The following KMT2C variants were observed in gnomAD, a reference collection of about 807,000 sequenced individuals.
KMT2C encodes lysine methyltransferase 2C.
KMT2C carries 88 observed loss-of-function variants against 507.9 expected under a neutral mutation model. That is an observed-to-expected ratio of 0.17 (90% CI 0.15 to 0.21). The LOEUF (loss-of-function observed/expected upper bound fraction) is 0.21. KMT2C is among the 10% of genes least tolerant of loss of function. KMT2C has a pLI of 1.00. For synonymous variants in KMT2C, 2,049 were observed against 2,080.8 expected (o/e 0.98, Z 0.42); for missense variants, 4,954 against 5,957.8 (o/e 0.83, Z 5.55).
chr7:152,305,106 A>C (rs1413154253), intron 6 of KMT2C, among the ~76,000 whole-genome samples: 1 of 152,186 alleles, frequency 6.6e-6, no homozygotes, highest in Non-Finnish European at 1.5e-5. Context: ...AATGATCTTC[A>C]GTGCTATTAA....
At chr7:152,292,593 A>G (rs2096445888) in intron 6 of KMT2C, among the ~76,000 whole-genome samples, 1 of 152,160 alleles carries the variant, frequency 6.6e-6, no homozygotes, top group Non-Finnish European at 1.5e-5. Context: ...AGACATTTTA[A>G]AAGGTAAAAA....
chr7:152,161,687 T>C (rs1165592361), intron 43 of KMT2C, among the ~76,000 whole-genome samples: 1 of 152,204 alleles, frequency 6.6e-6, no homozygotes. Flanking sequence ...AACCACACAA[T>C]AGCTTCCCAG....
chr7:152,318,699 G>C (rs1367618409), intron 3 of KMT2C, among the ~76,000 whole-genome samples: 1 of 150,320 alleles, frequency 6.7e-6, no homozygotes, highest in Non-Finnish European at 1.5e-5. Flanking sequence ...ATAAAACAAG[G>C]ACAAAAATGT....
chr7:152,299,656 G>A (rs992302675), intron 6 of KMT2C, among the ~76,000 whole-genome samples: 24 of 151,818 alleles, frequency 1.6e-4, no homozygotes, highest in African/African-American at 5.3e-4. Flanking sequence ...CTTGGCAGGT[G>A]GGGGATGCAA....
chr7:152,337,823 G>A (rs1366938036), intron 2 of KMT2C, among the ~76,000 whole-genome samples: 2 of 150,802 alleles, frequency 1.3e-5, no homozygotes, highest in Admixed American at 1.3e-4. Flanking sequence ...TATAGTCTAT[G>A]GATTCACTTG....
chr7:152,146,534 T>C (rs2091116228), intron 53 of KMT2C, 65 bp downstream of exon 53: 1 of 1,497,064 alleles, frequency 6.7e-7, no homozygotes, highest in African/African-American at 1.4e-5. Flanking sequence ...TTACAGCATG[T>C]GTTCAAGTGG....
intron 1 of KMT2C, among the ~76,000 whole-genome samples, chr7:152,399,144 A>T (rs561482084): frequency 2.0e-5 from 3 of 152,196 alleles, no homozygotes; most frequent in African/African-American, 7.2e-5. Flanking sequence ...TCGCTTTTAT[A>T]AACACGCAAA....
intron 31 of KMT2C, among the ~76,000 whole-genome samples, chr7:152,191,854 T>C (rs2093804548): frequency 6.6e-6 from 1 of 152,220 alleles, no homozygotes; most frequent in South Asian, 2.1e-4. Context: ...GCCCTTACAT[T>C]AGAACTACTA....
In KMT2C at chr7:152,144,228, G is replaced by A. The variant is rs569092505; in HGVS notation, c.14343+485C>T. ...AGCTCAGGAAGTATGGACTATAGGTGTAAACTTAAATGCTTAGCCTATACA... is the reference window on the plus strand; with the variant it reads ...AGCTCAGGAAGTATGGACTATAGGTATAAACTTAAATGCTTAGCCTATACA... On this transcript the variant is annotated intron_variant, in intron 55 of 58. Transcript: ENST00000262189. The surrounding 1 kb of genome is among the most constrained non-coding windows in gnomAD (Gnocchi z 4.4). 9.8e-5 allele frequency among the ~76,000 whole-genome samples: 15 copies of A among 152,320 alleles called. No homozygotes were observed. The highest frequency in any genetic ancestry group is 2.6e-4 in the African/African-American group (11 of 41,556).
At chr7:152,256,024 C>T (rs993998510) in intron 9 of KMT2C, among the ~76,000 whole-genome samples, 3 of 152,148 alleles carry the variant, frequency 2.0e-5, no homozygotes, top group South Asian at 4.1e-4. Context: ...CAAAAATTAG[C>T]TGGGCGTGGT....
At chr7:152,328,535 G>A (rs889236987) in intron 3 of KMT2C, among the ~76,000 whole-genome samples, 4 of 152,154 alleles carry the variant, frequency 2.6e-5, no homozygotes, top group Admixed American at 6.5e-5. Flanking sequence ...ACACCTTGTA[G>A]ACATGGTAAG....
intron 37 of KMT2C, among the ~76,000 whole-genome samples, chr7:152,179,343 G>A (rs2093345940): frequency 1.3e-5 from 2 of 152,206 alleles, no homozygotes; most frequent in Admixed American, 1.3e-4. Flanking sequence ...TTTGGAGAGA[G>A]GACAAGTCTC....
At chr7:152,237,565 T>C (rs1478112492) in intron 15 of KMT2C, among the ~76,000 whole-genome samples, 1 of 152,238 alleles carries the variant, frequency 6.6e-6, no homozygotes, top group African/African-American at 2.4e-5. Context: ...TGGTGCGATC[T>C]TGGCTCACTG....
intron 1 of KMT2C, among the ~76,000 whole-genome samples, chr7:152,408,479 G>C (rs150149844): frequency 6.6e-6 from 1 of 152,152 alleles, no homozygotes; most frequent in African/African-American, 2.4e-5. Flanking sequence ...AATACCACTC[G>C]GTAGCCTGTT....
chr7:152,207,311 G>C lies in KMT2C; in HGVS notation c.3830C>G (p.Pro1277Arg), dbSNP rs2129138481. 1 of 1,591,028 alleles carries C rather than the reference G, an allele frequency of 6.3e-7. No individual in the cohort carries two copies. Among genetic ancestry groups the C allele is most frequent in the Non-Finnish European group, 8.5e-7 (1 of 1,171,084 alleles). Residue 1277 changes from proline (P) to arginine (R), a missense_variant, in exon 24 of 59, where the codon CCA becomes CGA. Physicochemically the swap from Pro to Arg is moderately radical, Grantham distance 103. Coordinates refer to ENST00000262189, the MANE Select transcript of KMT2C (RefSeq NM_170606.3). Reference sequence around the variant, plus strand: ...CTCAGGCACTATACCTGGTCTGTATGGTTTCCTTTTTCTCTTTTTGACACC... The same window carrying C: ...CTCAGGCACTATACCTGGTCTGTATCGTTTCCTTTTTCTCTTTTTGACACC... ...TDGVKKRKRKPYRPGIGGFMV... is the reference protein window; with the variant it reads ...TDGVKKRKRKRYRPGIGGFMV...
chr7:152,313,081 C>T (rs1480978640), intron 4 of KMT2C, among the ~76,000 whole-genome samples: 1 of 152,048 alleles, frequency 6.6e-6, no homozygotes, highest in Non-Finnish European at 1.5e-5. Context: ...ATTAGAAATG[C>T]ATAGACTTTT....
chr7:152,161,555 T>C (rs2092456018), intron 43 of KMT2C, among the ~76,000 whole-genome samples: 1 of 152,058 alleles, frequency 6.6e-6, no homozygotes, highest in Non-Finnish European at 1.5e-5. Context: ...TAGCTCTTCA[T>C]GTAAATGAAA....
chr7:152,423,765 A>C lies in KMT2C; in HGVS notation c.161+11861T>G, dbSNP rs1177426853. 5.3e-5 allele frequency among the ~76,000 whole-genome samples: 8 copies of C among 152,218 alleles called. No homozygotes were observed. In the East Asian group the frequency reaches 1.5e-3, roughly 29 times the overall value. ...GTCCTTACTGATATACCCGGCTGTT[A>C]AGAATTGGCCCAGAAATAGAAATCA... On this transcript the variant is annotated intron_variant, in intron 1 of 58. Transcript: ENST00000262189.
At chr7:152,376,607 C>T (rs1388254232) in intron 1 of KMT2C, among the ~76,000 whole-genome samples, 7 of 152,140 alleles carry the variant, frequency 4.6e-5, no homozygotes, top group Admixed American at 4.6e-4. Flanking sequence ...AAGGCTCTAA[C>T]CTTCTTCAAT....
Sources: allele counts gnomAD v4.1 joint callset (sites outside exome capture counted in the v4.1 genomes callset), GRCh38; gene constraint gnomAD v4.1.1; non-coding constraint Gnocchi (gnomAD v3.1); transcripts MANE v1.5; gene names NCBI Gene and HGNC (gene_info 2026-07-23, HGNC 2026-07-21).